EXOC6B: variants seen among roughly 807,000 people sequenced by gnomAD.
The protein encoded by EXOC6B is exocyst complex component 6B.
EXOC6B carries 54 observed loss-of-function variants against 113.5 expected under a neutral mutation model. The observed-to-expected ratio is 0.48, with a 90% CI of 0.38 to 0.60. The LOEUF (loss-of-function observed/expected upper bound fraction) is 0.60. Ranked by LOEUF, EXOC6B falls within the 20% of genes least tolerant of loss-of-function variation. The probability of loss-of-function intolerance (pLI) is 0.00; values close to 1 mark genes in which losing one functional copy is unlikely to be tolerated. For synonymous variants in EXOC6B, 357 were observed against 339.0 expected, an observed-to-expected ratio of 1.05 and a Z score of -0.58; for missense variants, 797 against 977.5, an observed-to-expected ratio of 0.82 and a Z score of 2.46.
At chr2:72,638,073 C>T (rs1672970175) in intron 6 of EXOC6B, among the ~76,000 whole-genome samples, 1 of 151,974 alleles carries the variant, frequency 6.6e-6, no homozygotes, top group African/African-American at 2.4e-5. Flanking sequence ...GAAAGGAAAA[C>T]TTGGTTTTCT....
intron 20 of EXOC6B, among the ~76,000 whole-genome samples, chr2:72,230,669 T>A (rs1242924619): frequency 6.6e-6 from 1 of 152,178 alleles, no homozygotes; most frequent in East Asian, 1.9e-4. Flanking sequence ...AAGCTTACAA[T>A]AGCTGGTAAA....
intron 6 of EXOC6B, among the ~76,000 whole-genome samples, chr2:72,601,183 T>A (rs1261853683): frequency 1.3e-5 from 2 of 151,132 alleles, no homozygotes; most frequent in African/African-American, 4.9e-5. Context: ...TGTGTATATC[T>A]TTTTTTCTTT....
intron 19 of EXOC6B, among the ~76,000 whole-genome samples, chr2:72,357,685 C>T (rs980849792): frequency 1.6e-5 from 2 of 124,410 alleles, no homozygotes; most frequent in African/African-American, 1.1e-4. Flanking sequence ...AGCAAGACTG[C>T]CTTTAAAAAA....
chr2:72,382,609 G>A (rs1914339), intron 18 of EXOC6B, among the ~76,000 whole-genome samples: 30,298 of 152,028 alleles, frequency 0.2, 5,547 homozygotes, highest in African/African-American at 0.49. Context: ...TCTGTAAATT[G>A]CTTTGAGCAG....
chr2:72,288,570 A>G (rs1326452283), intron 20 of EXOC6B, among the ~76,000 whole-genome samples: 1 of 152,134 alleles, frequency 6.6e-6, no homozygotes, highest in Non-Finnish European at 1.5e-5. Flanking sequence ...ACTCTCATCA[A>G]TGTAATGTTT....
intron 1 of EXOC6B, among the ~76,000 whole-genome samples, chr2:72,746,190 T>A (rs996848629): frequency 6.6e-6 from 1 of 152,078 alleles, no homozygotes; most frequent in Admixed American, 6.6e-5. Flanking sequence ...CCAGGTTATG[T>A]TGCAGTTAAA....
At chr2:72,372,727 C>T (rs1691114761) in intron 19 of EXOC6B, among the ~76,000 whole-genome samples, 1 of 151,988 alleles carries the variant, frequency 6.6e-6, no homozygotes, top group Non-Finnish European at 1.5e-5. Flanking sequence ...CACCTGTAGT[C>T]CCAGCTAATC....
chr2:72,239,775 C>G (rs1160222684), intron 20 of EXOC6B, among the ~76,000 whole-genome samples: 1 of 152,112 alleles, frequency 6.6e-6, no homozygotes, highest in South Asian at 2.1e-4. Flanking sequence ...TTTAGTCTAC[C>G]AATCCATGAG....
At chr2:72,224,838 A>ATG (rs1428932858) in intron 20 of EXOC6B, among the ~76,000 whole-genome samples, 3 of 147,750 alleles carry the variant, frequency 2.0e-5, no homozygotes, top group Admixed American at 6.8e-5. Context: ...GTATGTGTGT[A>ATG]TGTGTGTGTA....
At chr2:72,373,549 A>C (rs992022703) in intron 19 of EXOC6B, among the ~76,000 whole-genome samples, 2 of 152,338 alleles carry the variant, frequency 1.3e-5, no homozygotes, top group Admixed American at 6.5e-5. Flanking sequence ...ATATATAAGG[A>C]GACAAAATAC....
At chr2:72,711,039 C>T (rs1003885770) in intron 6 of EXOC6B, among the ~76,000 whole-genome samples, 1 of 152,106 alleles carries the variant, frequency 6.6e-6, no homozygotes, top group Non-Finnish European at 1.5e-5. Context: ...TTATTTAGTC[C>T]CACAAAGCCT....
At chr2:72,489,033 C>T (rs1291703725) in intron 16 of EXOC6B, among the ~76,000 whole-genome samples, 1 of 152,142 alleles carries the variant, frequency 6.6e-6, no homozygotes, top group Non-Finnish European at 1.5e-5. Flanking sequence ...CAAGAACTTT[C>T]CTACCTTCAG....
rs1002794816 is a variant in EXOC6B at position 72,358,624 on chromosome 2, T to C, written c.2122+21105A>G. Among the ~76,000 whole-genome samples, 33 of 152,284 alleles carry C rather than the reference T, an allele frequency of 2.2e-4. 1 individual carries two copies. Among genetic ancestry groups the C allele is most frequent in the African/African-American group, 7.0e-4 (29 of 41,558 alleles). On this transcript the variant is annotated intron_variant, in intron 19 of 21. Transcript: ENST00000272427. ...TATGCCCAAACTACTAAATTGAAGA[T>C]CCAGGTTTTAAAGGACAATCTATTT...
intron 6 of EXOC6B, among the ~76,000 whole-genome samples, chr2:72,656,745 G>T (rs187926427): frequency 1.3e-5 from 2 of 152,248 alleles, no homozygotes; most frequent in East Asian, 3.9e-4. Flanking sequence ...ACTACTATCA[G>T]TTGATATATG....
intron 8 of EXOC6B, chr2:72,515,625 C>CA (rs1378718399): frequency 3.0e-6 from 3 of 989,106 alleles, no homozygotes; most frequent in Non-Finnish European, 3.6e-6. Flanking sequence ...GGATTAAACC[C>CA]AAAAAACAAA....
At chr2:72,654,290 T>A (rs1337888296) in intron 6 of EXOC6B, among the ~76,000 whole-genome samples, 1 of 152,174 alleles carries the variant, frequency 6.6e-6, no homozygotes, top group Non-Finnish European at 1.5e-5. Context: ...CTTTTAGAGA[T>A]CAGATTTTTC....
chr2:72,745,201 C>T (rs2104829804), intron 1 of EXOC6B, among the ~76,000 whole-genome samples: 1 of 152,210 alleles, frequency 6.6e-6, no homozygotes, highest in East Asian at 1.9e-4. Flanking sequence ...ACCTGTAATT[C>T]CAGCACTTTG....
At chr2:72,224,994 G>GTGTGTGTGTGTATATA (rs908047817) in intron 20 of EXOC6B, among the ~76,000 whole-genome samples, 4 of 137,252 alleles carry the variant, frequency 2.9e-5, no homozygotes, top group Non-Finnish European at 4.8e-5. Context: ...GTGTGTGTGT[G>GTGTGTGTGTGTATATA]TATATATATA....
chr2:72,371,479 T>A (rs768499534), intron 19 of EXOC6B, among the ~76,000 whole-genome samples: 1 of 152,142 alleles, frequency 6.6e-6, no homozygotes, highest in Non-Finnish European at 1.5e-5. Context: ...ATTAAAAATG[T>A]CATTCATCAT....
Sources: allele counts gnomAD v4.1 joint callset (sites outside exome capture counted in the v4.1 genomes callset), GRCh38; gene constraint gnomAD v4.1.1; transcripts MANE v1.5; gene names NCBI Gene and HGNC (gene_info 2026-07-23, HGNC 2026-07-21).